FANCM: variants seen among roughly 807,000 people sequenced by gnomAD.
FANCM encodes the protein FA complementation group M.
Under a neutral mutation model 199.5 loss-of-function variants are expected in FANCM, and 140 were observed. The observed-to-expected ratio is 0.70, with a 90% CI of 0.61 to 0.81. FANCM has a LOEUF of 0.81. Ranked by LOEUF, FANCM falls within the 30% of genes least tolerant of loss-of-function variation. The pLI, the probability that FANCM is intolerant of heterozygous loss-of-function variation, is 0.00. For synonymous variants in FANCM, 840 were observed against 836.8 expected, an observed-to-expected ratio of 1.00 and a Z score of -0.07; for missense variants, 2,410 against 2,421.4, an observed-to-expected ratio of 1.00 and a Z score of 0.10.
chr14:45,196,249 TA>T lies in FANCM; in HGVS notation c.5419del (p.Thr1807LeufsTer16). The T allele has an allele frequency of 6.2e-7, 1 of 1,614,056 alleles. No homozygotes were observed. Among genetic ancestry groups the T allele is most frequent in the Non-Finnish European group, 8.5e-7 (1 of 1,179,906 alleles). ...CAAGACCACATTTAGCTGGGACACA[TA>T]CTTCTCTTAGACTTCCGCAGGAAGG... Reference protein sequence around the residue: ...KSRPHLAGTHTSLRLPQEGKG... With the variant: ...KSRPHLAGTHXSLRLPQEGKG... On this transcript the variant is annotated frameshift_variant, in exon 21 of 23. Coordinates refer to ENST00000267430, the MANE Select transcript of FANCM (RefSeq NM_020937.4). LOFTEE classifies it high-confidence loss of function.
At chr14:45,188,568 C>T (rs1370252546) in intron 19 of FANCM, among the ~76,000 whole-genome samples, 1 of 152,080 alleles carries the variant, frequency 6.6e-6, no homozygotes, top group African/African-American at 2.4e-5. Flanking sequence ...TTACTTTCTA[C>T]CTACCTGTTA....
chr14:45,196,344 G>A lies in FANCM; in HGVS notation c.5513G>A (p.Arg1838Lys). Residue 1838 changes from arginine (R) to lysine (K), a missense_variant, in exon 21 of 23, where the codon AGA becomes AAA. Coordinates refer to ENST00000267430, the MANE Select transcript of FANCM (RefSeq NM_020937.4). ...GGATTAGAAGTAATTTCTTCCCTAA[G>A]AGCAATTCATGGGTTGCAAGTAGAA... ...TSGLEVISSLRAIHGLQVEVC... is the reference protein window; with the variant it reads ...TSGLEVISSLKAIHGLQVEVC... 1.2e-6 allele frequency: 2 copies of A among 1,614,002 alleles called. No homozygotes were observed. Among genetic ancestry groups the A allele is most frequent in the Non-Finnish European group, 1.7e-6 (2 of 1,179,946 alleles).
In FANCM at chr14:45,189,300, A is replaced by G. The variant is rs369128065; in HGVS notation, c.5278A>G (p.Thr1760Ala). The change falls in exon 20 of 23, where the codon ACA becomes GCA. Residue 1760 changes from threonine (T) to alanine (A), a missense_variant. Thr to Ala is a moderately conservative substitution (Grantham distance 58). Transcript: ENST00000267430. Reference sequence around the variant, plus strand: ...GAATCATAATGAAGTCCAGTCTACCACACCACCCTTCACTACTGTTGATTC... The same window carrying G: ...GAATCATAATGAAGTCCAGTCTACCGCACCACCCTTCACTACTGTTGATTC... Reference protein sequence around the residue: ...PQNHNEVQSTTPPFTTVDSQK... With the variant: ...PQNHNEVQSTAPPFTTVDSQK... The G allele has an allele frequency of 1.9e-6, 3 of 1,613,912 alleles. No homozygotes were observed. The African/African-American group carries it at 4.0e-5, about 22-fold the overall frequency.
At chr14:45,142,541 C>T (rs962678165) in intron 3 of FANCM, among the ~76,000 whole-genome samples, 3 of 151,832 alleles carry the variant, frequency 2.0e-5, no homozygotes, top group African/African-American at 4.9e-5. Flanking sequence ...CTCCTGACCT[C>T]GTGATCCACC....
At chr14:45,179,515 T>C (rs2080505289) in intron 14 of FANCM, among the ~76,000 whole-genome samples, 1 of 152,002 alleles carries the variant, frequency 6.6e-6, no homozygotes, top group Non-Finnish European at 1.5e-5. Flanking sequence ...CTGGAAGTCT[T>C]AGCTAGATCA....
In FANCM at chr14:45,175,329, A is replaced by G. The variant is rs188528606; in HGVS notation, c.2575A>G (p.Lys859Glu). ...KIVSLKKKVSKEIKKDQLKKE... is the reference protein window; with the variant it reads ...KIVSLKKKVSEEIKKDQLKKE... ...TGTTTCTTTAAAGAAAAAAGTGTCT[A>G]AAGAAATAAAAAAAGATCAGCTTAA... The change falls in exon 14 of 23, where the codon AAA becomes GAA. Residue 859 changes from lysine (K) to glutamate (E), a missense_variant. Coordinates refer to ENST00000267430, the MANE Select transcript of FANCM (RefSeq NM_020937.4). 24 of 1,559,584 alleles carry G rather than the reference A, an allele frequency of 1.5e-5. No individual in the cohort carries two copies. Among genetic ancestry groups the G allele is most frequent in the Admixed American group, 8.0e-5 (4 of 50,006 alleles).
intron 19 of FANCM, 75 bp from the exon 20 acceptor site, chr14:45,188,727 G>A: frequency 9.3e-7 from 1 of 1,076,214 alleles, no homozygotes; most frequent in African/African-American, 1.6e-5. Context: ...CAGATTTCAT[G>A]TGCCTAGAAG....
chr14:45,142,916 G>A (rs1411281632), intron 3 of FANCM, among the ~76,000 whole-genome samples: 2 of 152,014 alleles, frequency 1.3e-5, no homozygotes, highest in South Asian at 4.1e-4. Context: ...TCTTGTGGGG[G>A]AAATACTTTG....
At chr14:45,179,706 C>T (rs988903032) in intron 14 of FANCM, among the ~76,000 whole-genome samples, 7 of 151,674 alleles carry the variant, frequency 4.6e-5, no homozygotes, top group Admixed American at 1.3e-4. Context: ...GCACTGTAGG[C>T]GCCTGCCACC....
chr14:45,160,668 C>A lies in FANCM; in HGVS notation c.1581+1388C>A, dbSNP rs542973014. 1.2e-4 allele frequency among the ~76,000 whole-genome samples: 19 copies of A among 152,010 alleles called. No individual in the cohort carries two copies. The South Asian group carries it at 3.9e-3, about 32-fold the overall frequency. On this transcript the variant is annotated intron_variant, in intron 9 of 22. Transcript: ENST00000267430. ...CACGCCATTCTCCTGTCTCAGCCTC[C>A]CGAGTAGCTGGGACTACAGGTGCCC...
At chr14:45,153,499 A>G (rs1886963932) in intron 5 of FANCM, among the ~76,000 whole-genome samples, 1 of 152,214 alleles carries the variant, frequency 6.6e-6, no homozygotes. Flanking sequence ...GCCATATCTA[A>G]CTTATTTCCC....
chr14:45,136,420 G>T lies in FANCM; in HGVS notation c.389G>T (p.Arg130Leu), dbSNP rs751804045. 9 of 1,614,018 alleles carry T rather than the reference G, an allele frequency of 5.6e-6. No individual in the cohort carries two copies. Among genetic ancestry groups the T allele is most frequent in the Non-Finnish European group, 7.6e-6 (9 of 1,180,044 alleles). Reference sequence around the variant, plus strand: ...GCCGTGGTCATGTACAATTTCTACCGCTGGTTCCCTTCAGGAAAGGTGGTC... The same window carrying T: ...GCCGTGGTCATGTACAATTTCTACCTCTGGTTCCCTTCAGGAAAGGTGGTC... ...IAAVVMYNFY[R>L]WFPSGKVVFM... Residue 130 changes from arginine (R) to leucine (L), a missense_variant, in exon 1 of 23, where the codon CGC becomes CTC. By Grantham distance (102) the Arg-to-Leu change is moderately radical (BLOSUM62 -2). Coordinates refer to ENST00000267430, the MANE Select transcript of FANCM (RefSeq NM_020937.4).
At chr14:45,178,686 T>C (rs974248955) in intron 14 of FANCM, among the ~76,000 whole-genome samples, 11 of 152,168 alleles carry the variant, frequency 7.2e-5, no homozygotes, top group Admixed American at 4.6e-4. Context: ...ATTTATATAT[T>C]GTTCATCTGC....
chr14:45,181,176 T>C (rs748131854), intron 14 of FANCM, among the ~76,000 whole-genome samples: 16 of 152,236 alleles, frequency 1.1e-4, no homozygotes, highest in Admixed American at 2.0e-4. Context: ...AGTTAATTTA[T>C]AAAATTGAAC....
rs775342364 is a variant in FANCM at position 45,199,867 on chromosome 14, C to T, written c.6009-3C>T. ...TAATGATTTTGTCTCATTTATTTTT[C>T]AGCTCACTTCAAGAAATCTCCATGT... On this transcript the variant is annotated splice_polypyrimidine_tract_variant and splice_region_variant and intron_variant, in intron 22 of 22. Coordinates refer to ENST00000267430, the MANE Select transcript of FANCM (RefSeq NM_020937.4). The T allele has an allele frequency of 1.2e-6, 2 of 1,611,356 alleles. No individual in the cohort carries two copies.
At chr14:45,190,137 C>T (rs1246299431) in intron 20 of FANCM, among the ~76,000 whole-genome samples, 1 of 152,038 alleles carries the variant, frequency 6.6e-6, no homozygotes, top group Non-Finnish European at 1.5e-5. Context: ...GCTAAGTAGT[C>T]CAGTTTTACT....
intron 2 of FANCM, among the ~76,000 whole-genome samples, chr14:45,139,775 A>G (rs1325308663): frequency 5.3e-5 from 8 of 152,134 alleles, no homozygotes; most frequent in Non-Finnish European, 1.5e-5. Flanking sequence ...CCAGGAGTTC[A>G]AGACTGGCCT....
intron 4 of FANCM, among the ~76,000 whole-genome samples, chr14:45,150,850 CAAAT>C (rs1248500560): frequency 2.0e-5 from 3 of 152,112 alleles, no homozygotes; most frequent in Admixed American, 1.3e-4. Flanking sequence ...AGAGCAGTGA[CAAAT>C]AAAGTCTTAG....
At position 45,158,344 on chromosome 14, in the gene FANCM, C is replaced by A. The variant is rs75684711; in HGVS notation, c.1397-752C>A. 4.4e-3 allele frequency among the ~76,000 whole-genome samples: 668 copies of A among 152,124 alleles called. 5 individuals are homozygous for A. The highest frequency in any genetic ancestry group is 0.015 in the African/African-American group (623 of 41,484). ...AAGCTTAAAGAGTTTAAATAACTAC[C>A]ATGATCACCAATCACCCAGAGAATT... On this transcript the variant is annotated intron_variant, in intron 8 of 22. Coordinates refer to ENST00000267430, the MANE Select transcript of FANCM (RefSeq NM_020937.4).
Sources: gnomAD v4.1 joint callset for allele counts (sites outside exome capture counted in the v4.1 genomes callset) on GRCh38, gnomAD v4.1.1 for gene constraint, MANE v1.5 for transcripts, NCBI Gene and HGNC (gene_info 2026-07-23, HGNC 2026-07-21) for gene names.